Variants in GAS7 observed in about 807,000 individuals in gnomAD.
GAS7 encodes growth arrest-specific protein 7.
GAS7 carries 28 observed loss-of-function variants against 71.1 expected under a neutral mutation model. That is an observed-to-expected ratio of 0.39 (90% confidence interval 0.29 to 0.54). GAS7 has a LOEUF of 0.54. Ranked by LOEUF, GAS7 falls within the 20% of genes least tolerant of loss-of-function variation. The probability of loss-of-function intolerance (pLI) is 0.62; values close to 1 mark genes in which losing one functional copy is unlikely to be tolerated. For missense variants in GAS7, 436 were observed against 627.8 expected, an observed-to-expected ratio of 0.69 and a Z score of 3.27; for synonymous variants, 258 against 245.8, an observed-to-expected ratio of 1.05 and a Z score of -0.46.
intron 2 of GAS7, among the ~76,000 whole-genome samples, chr17:10,015,570 C>T (rs1011382176): frequency 6.6e-6 from 1 of 152,180 alleles, no homozygotes; most frequent in African/African-American, 2.4e-5. Flanking sequence ...TGGCTATTCT[C>T]ATAGATGCCT....
chr17:10,096,554 T>C (rs2073643068), intron 1 of GAS7, among the ~76,000 whole-genome samples: 1 of 152,198 alleles, frequency 6.6e-6, no homozygotes, highest in African/African-American at 2.4e-5. Context: ...CATTTTCCTG[T>C]GGGGAGCCAC....
chr17:9,970,098 G>A (rs1667660326), intron 3 of GAS7, among the ~76,000 whole-genome samples: 1 of 152,138 alleles, frequency 6.6e-6, no homozygotes, highest in South Asian at 2.1e-4. Context: ...AGTTACAAAT[G>A]CCAGTCACGG....
chr17:10,007,902 TCC>T (rs915305975), intron 2 of GAS7, among the ~76,000 whole-genome samples: 1 of 97,956 alleles, frequency 1.0e-5, no homozygotes, highest in Non-Finnish European at 2.0e-5. Flanking sequence ...TAATTCCAGC[TCC>T]CCCCCGCAAC....
At chr17:9,986,711 C>T (rs536955727) in intron 2 of GAS7, among the ~76,000 whole-genome samples, 1 of 152,334 alleles carries the variant, frequency 6.6e-6, no homozygotes, top group Admixed American at 6.5e-5. Flanking sequence ...AGACCCCCCA[C>T]AAGCTAGAGT....
chr17:9,944,824 T>C (rs1428153319), intron 6 of GAS7, among the ~76,000 whole-genome samples: 1 of 152,224 alleles, frequency 6.6e-6, no homozygotes, highest in Non-Finnish European at 1.5e-5. Context: ...ATCCAAATAC[T>C]GAGCTCAAAT....
At chr17:10,191,989 C>T (rs957333917) in intron 1 of GAS7, among the ~76,000 whole-genome samples, 4 of 151,610 alleles carry the variant, frequency 2.6e-5, no homozygotes, top group Middle Eastern at 3.2e-3. Flanking sequence ...GAGTAGTAGA[C>T]GGAGAACTAG....
chr17:10,106,843 C>T (rs1295616115), intron 1 of GAS7, among the ~76,000 whole-genome samples: 1 of 151,966 alleles, frequency 6.6e-6, no homozygotes, highest in Non-Finnish European at 1.5e-5. Flanking sequence ...CCTTATATGG[C>T]AAAAGGGACT....
At chr17:9,948,406 C>T (rs182655261) in intron 5 of GAS7, among the ~76,000 whole-genome samples, 30 of 152,272 alleles carry the variant, frequency 2.0e-4, no homozygotes, top group Admixed American at 7.8e-4. Flanking sequence ...TCTGGGGGGC[C>T]GGGCACGGCA....
At chr17:9,948,527 AC>A (rs1302767476) in intron 5 of GAS7, among the ~76,000 whole-genome samples, 2 of 152,170 alleles carry the variant, frequency 1.3e-5, no homozygotes, top group African/African-American at 4.8e-5. Flanking sequence ...TACTAAAAAC[AC>A]AAAAATTAGC....
intron 11 of GAS7, among the ~76,000 whole-genome samples, chr17:9,921,550 G>C (rs2067810791): frequency 6.6e-6 from 1 of 152,196 alleles, no homozygotes; most frequent in Non-Finnish European, 1.5e-5. Context: ...AACTTCCACA[G>C]CATTGGGAAA....
chr17:10,152,182 T>C (rs1431037419), intron 1 of GAS7, among the ~76,000 whole-genome samples: 1 of 152,164 alleles, frequency 6.6e-6, no homozygotes, highest in Non-Finnish European at 1.5e-5. Context: ...CTTAGCAACG[T>C]ATCTTGGTTG....
At chr17:10,058,781 G>A (rs2073182520) in intron 1 of GAS7, among the ~76,000 whole-genome samples, 1 of 152,172 alleles carries the variant, frequency 6.6e-6, no homozygotes, top group Non-Finnish European at 1.5e-5. Context: ...CAATGCCAGG[G>A]GAAGATATTT....
At chr17:10,037,536 G>T (rs1364784771) in intron 1 of GAS7, among the ~76,000 whole-genome samples, 1 of 152,070 alleles carries the variant, frequency 6.6e-6, no homozygotes, top group African/African-American at 2.4e-5. Context: ...TTATGAAGAG[G>T]TTTCAATGCC....
intron 1 of GAS7, among the ~76,000 whole-genome samples, chr17:10,074,737 A>C (rs1474825872): frequency 6.6e-6 from 1 of 152,184 alleles, no homozygotes; most frequent in Non-Finnish European, 1.5e-5. Flanking sequence ...ACTTAATCCA[A>C]TCTCTTCCAT....
intron 1 of GAS7, among the ~76,000 whole-genome samples, chr17:10,099,031 G>A (rs1279691919): frequency 6.6e-6 from 1 of 152,194 alleles, no homozygotes; most frequent in Non-Finnish European, 1.5e-5. Context: ...GGGCATGGAG[G>A]TGAGAGATGG....
chr17:10,108,735 G>A (rs1239107600), intron 1 of GAS7, among the ~76,000 whole-genome samples: 1 of 152,170 alleles, frequency 6.6e-6, no homozygotes, highest in Non-Finnish European at 1.5e-5. Flanking sequence ...ATTGAGGAAA[G>A]GACAGTCTCT....
chr17:10,104,658 A>G (rs561628035), intron 1 of GAS7, among the ~76,000 whole-genome samples: 2 of 152,296 alleles, frequency 1.3e-5, no homozygotes, highest in Non-Finnish European at 2.9e-5. Context: ...ACTCATTTTA[A>G]TAAATGGTAC....
At chr17:10,080,648 A>G (rs182756242) in intron 1 of GAS7, among the ~76,000 whole-genome samples, 1 of 152,362 alleles carries the variant, frequency 6.6e-6, no homozygotes, top group East Asian at 1.9e-4. Context: ...GTTTCTAGAT[A>G]GGAAGCCCAA....
chr17:10,036,011 G>T (rs1273578469), intron 1 of GAS7, among the ~76,000 whole-genome samples: 1 of 152,176 alleles, frequency 6.6e-6, no homozygotes, highest in African/African-American at 2.4e-5. Flanking sequence ...TAGAATCCAA[G>T]TTTCTTACTT....
Sources: gnomAD v4.1 joint callset for allele counts (sites outside exome capture counted in the v4.1 genomes callset) on GRCh38, gnomAD v4.1.1 for gene constraint, MANE v1.5 for transcripts, NCBI Gene and HGNC (gene_info 2026-07-23, HGNC 2026-07-21) for gene names.